The following RBFOX1 variants were observed in gnomAD, a reference collection of about 807,000 sequenced individuals.
RBFOX1 encodes RNA binding fox-1 homolog 1.
A neutral mutation model predicts 57.7 loss-of-function variants in RBFOX1; 8 were observed. The ratio of observed to expected loss-of-function variants is 0.14; its 90% CI spans 0.08 to 0.25. The LOEUF is 0.25. Ranked by LOEUF, RBFOX1 falls within the 10% of genes least tolerant of loss-of-function variation. The pLI is 1.00. For missense variants in RBFOX1, 611 were observed against 548.5 expected (o/e 1.11, Z -1.14); for synonymous variants, 326 against 222.4 (o/e 1.47, Z -4.15).
intron 2 of RBFOX1, among the ~76,000 whole-genome samples, chr16:6,560,584 G>A (rs575512143): frequency 2.6e-4 from 39 of 152,338 alleles, no homozygotes; most frequent in Non-Finnish European, 5.6e-4. Context: ...GAAGCAAGGT[G>A]AGGAGGAGGT....
chr16:7,077,420 C>T (rs1386237874), intron 4 of RBFOX1, among the ~76,000 whole-genome samples: 2 of 152,164 alleles, frequency 1.3e-5, no homozygotes, highest in Non-Finnish European at 1.5e-5. Context: ...GAAGCTACTA[C>T]ATTTATTAGC....
At chr16:6,313,333 C>T (rs983035062) in intron 1 of RBFOX1, among the ~76,000 whole-genome samples, 1 of 152,168 alleles carries the variant, frequency 6.6e-6, no homozygotes, top group Non-Finnish European at 1.5e-5. Context: ...GTCACATTTA[C>T]ATTTTGTAAG....
chr16:5,778,245 A>G (rs2054208544), intron 3 of RBFOX1, among the ~76,000 whole-genome samples: 1 of 152,152 alleles, frequency 6.6e-6, no homozygotes, highest in Non-Finnish European at 1.5e-5. Flanking sequence ...GAGACCTAAC[A>G]TTTCAAGGCA....
intron 1 of RBFOX1, among the ~76,000 whole-genome samples, chr16:6,210,272 C>T (rs1018582961): frequency 7.2e-6 from 1 of 139,430 alleles, no homozygotes; most frequent in African/African-American, 2.7e-5. Context: ...AAGCTGAGAT[C>T]ACGCATTGCA....
At chr16:5,833,512 A>AG (rs2056355746) in intron 3 of RBFOX1, among the ~76,000 whole-genome samples, 4 of 150,988 alleles carry the variant, frequency 2.6e-5, no homozygotes, top group South Asian at 4.2e-4. Context: ...AAAAAAAAAA[A>AG]AAAGAAAGAA....
intron 4 of RBFOX1, among the ~76,000 whole-genome samples, chr16:7,143,214 A>C (rs758964337): frequency 1.3e-5 from 2 of 151,896 alleles, no homozygotes; most frequent in Non-Finnish European, 2.9e-5. Context: ...ATTTTTTGTC[A>C]TTTTCTTTGT....
At chr16:7,622,933 TAG>T (rs2059534030) in intron 10 of RBFOX1, among the ~76,000 whole-genome samples, 1 of 152,218 alleles carries the variant, frequency 6.6e-6, no homozygotes, top group Non-Finnish European at 1.5e-5. Context: ...AGCTCAATGC[TAG>T]TCTTGCGTTC....
chr16:5,347,872 A>G, intron 1 of RBFOX1, among the ~76,000 whole-genome samples: 1 of 144,252 alleles, frequency 6.9e-6, no homozygotes, highest in South Asian at 2.3e-4. Flanking sequence ...TCACTCAATA[A>G]TGCACTCACC....
chr16:5,491,802 T>A (rs1286436675), intron 2 of RBFOX1, among the ~76,000 whole-genome samples: 1 of 152,192 alleles, frequency 6.6e-6, no homozygotes, highest in Non-Finnish European at 1.5e-5. Context: ...AATTCAGTTG[T>A]TCTCAAGCCT....
At chr16:7,131,546 A>T (rs545616335) in intron 4 of RBFOX1, among the ~76,000 whole-genome samples, 1 of 151,764 alleles carries the variant, frequency 6.6e-6, no homozygotes, top group South Asian at 2.1e-4. Context: ...CCTAGCTGGC[A>T]AGTGATTGGA....
chr16:6,614,737 G>T (rs890853255), intron 2 of RBFOX1, among the ~76,000 whole-genome samples: 1 of 152,016 alleles, frequency 6.6e-6, no homozygotes, highest in East Asian at 1.9e-4. Flanking sequence ...CTTTATCTTC[G>T]TGTGGCATTT....
chr16:6,185,733 G>A lies in RBFOX1; in HGVS notation c.-126-131262G>A, dbSNP rs1376312116. ...AAGAAATAAAACTTGGAGAAAGACTGTGGACTTGTTCCTTAAAACACTATA... is the reference window on the plus strand; with the variant it reads ...AAGAAATAAAACTTGGAGAAAGACTATGGACTTGTTCCTTAAAACACTATA... On this transcript the variant is annotated intron_variant, in intron 1 of 15. Coordinates refer to ENST00000550418, the MANE Select transcript of RBFOX1 (RefSeq NM_018723.4). Among the ~76,000 whole-genome samples, 3 of 152,228 alleles carry A rather than the reference G, an allele frequency of 2.0e-5. No individual in the cohort carries two copies. In the East Asian group the frequency reaches 5.8e-4, roughly 29 times the overall value.
At position 6,858,918 on chromosome 16, in the gene RBFOX1, G is replaced by A. The variant is rs530260331; in HGVS notation, c.-15-193139G>A. ...CAGTATCATGTGGTCAGTAAGTTCT[G>A]CATTTCTAAAGGAAGATATTATTTT... On this transcript the variant is annotated intron_variant, in intron 3 of 15. Coordinates refer to ENST00000550418, the MANE Select transcript of RBFOX1 (RefSeq NM_018723.4). 1.9e-3 allele frequency among the ~76,000 whole-genome samples: 282 copies of A among 151,622 alleles called. 2 individuals are homozygous for A. The highest frequency in any genetic ancestry group is 6.4e-3 in the African/African-American group (266 of 41,302).
chr16:6,588,426 G>C (rs979877943), intron 2 of RBFOX1, among the ~76,000 whole-genome samples: 14 of 151,560 alleles, frequency 9.2e-5, no homozygotes, highest in Admixed American at 9.2e-4. Context: ...GCCAAGGCAG[G>C]TGGATCGTCT....
At chr16:7,213,660 T>C (rs563276173) in intron 4 of RBFOX1, among the ~76,000 whole-genome samples, 2 of 152,268 alleles carry the variant, frequency 1.3e-5, no homozygotes, top group East Asian at 1.9e-4. Flanking sequence ...AGCTATCTCA[T>C]TTAATAATCC....
At chr16:5,269,982 C>A (rs940785594) in intron 1 of RBFOX1, among the ~76,000 whole-genome samples, 1 of 152,056 alleles carries the variant, frequency 6.6e-6, no homozygotes, top group Non-Finnish European at 1.5e-5. Context: ...TGGCAAGACC[C>A]TGTCTCTACA....
intron 1 of RBFOX1, among the ~76,000 whole-genome samples, chr16:6,141,717 T>A (rs1014141728): frequency 6.6e-6 from 1 of 152,202 alleles, no homozygotes; most frequent in Non-Finnish European, 1.5e-5. Context: ...CTTTTAAAAT[T>A]AATTTCATTT....
chr16:7,484,613 C>T (rs2064899830), intron 4 of RBFOX1, among the ~76,000 whole-genome samples: 1 of 152,166 alleles, frequency 6.6e-6, no homozygotes, highest in South Asian at 2.1e-4. Context: ...CAGGCGCCCA[C>T]TACCAGAGCT....
At chr16:7,689,221 C>T (rs2076800233) in intron 14 of RBFOX1, among the ~76,000 whole-genome samples, 1 of 152,112 alleles carries the variant, frequency 6.6e-6, no homozygotes, top group Admixed American at 6.6e-5. Flanking sequence ...ACAAACACAG[C>T]CTTCTCCCTT....
Sources: allele counts gnomAD v4.1 joint callset (sites outside exome capture counted in the v4.1 genomes callset), GRCh38; gene constraint gnomAD v4.1.1; transcripts MANE v1.5; gene names NCBI Gene and HGNC (gene_info 2026-07-23, HGNC 2026-07-21).